The following DGKB variants were observed in gnomAD, a reference collection of about 807,000 sequenced individuals.
DGKB encodes the protein diacylglycerol kinase beta.
A neutral mutation model predicts 114.3 loss-of-function variants in DGKB; 67 were observed. The observed-to-expected ratio is 0.59, with a 90% CI of 0.48 to 0.72. DGKB has a LOEUF of 0.72. DGKB is among the 30% of genes least tolerant of loss of function. The pLI, the probability that DGKB is intolerant of heterozygous loss-of-function variation, is 0.00. For synonymous variants in DGKB, 398 were observed against 323.1 expected, an observed-to-expected ratio of 1.23 and a Z score of -2.49; for missense variants, 907 against 975.2, an observed-to-expected ratio of 0.93 and a Z score of 0.93.
intron 21 of DGKB, among the ~76,000 whole-genome samples, chr7:14,476,336 T>C (rs1782168158): frequency 6.6e-6 from 1 of 152,164 alleles, no homozygotes; most frequent in African/African-American, 2.4e-5. Context: ...TGTCAATTTA[T>C]TTTTACATGT....
At chr7:14,311,832 C>T (rs1805437168) in intron 23 of DGKB, among the ~76,000 whole-genome samples, 1 of 152,088 alleles carries the variant, frequency 6.6e-6, no homozygotes, top group South Asian at 2.1e-4. Context: ...TATAGTAAAT[C>T]ATTTGGGTTA....
At chr7:14,687,267 C>T (rs1219761173) in intron 9 of DGKB, among the ~76,000 whole-genome samples, 1 of 152,200 alleles carries the variant, frequency 6.6e-6, no homozygotes, top group Non-Finnish European at 1.5e-5. Context: ...AATACATTAA[C>T]TTCCAATAGG....
chr7:14,796,811 G>A (rs1841475652), intron 2 of DGKB, among the ~76,000 whole-genome samples: 1 of 151,964 alleles, frequency 6.6e-6, no homozygotes, highest in Non-Finnish European at 1.5e-5. Context: ...CAATGTTCCT[G>A]GTCATTCCTC....
chr7:14,763,121 A>G (rs889430199), intron 2 of DGKB, among the ~76,000 whole-genome samples: 1 of 152,056 alleles, frequency 6.6e-6, no homozygotes, highest in African/African-American at 2.4e-5. Flanking sequence ...AAGGCATCCC[A>G]TCATCCCATG....
intron 20 of DGKB, among the ~76,000 whole-genome samples, chr7:14,573,167 G>A (rs1012040110): frequency 1.3e-5 from 2 of 152,142 alleles, no homozygotes; most frequent in Non-Finnish European, 2.9e-5. Context: ...ACGTGAATAG[G>A]AGGGCTTCTC....
At chr7:14,778,087 A>G (rs915621834) in intron 2 of DGKB, among the ~76,000 whole-genome samples, 1 of 152,242 alleles carries the variant, frequency 6.6e-6, no homozygotes, top group Non-Finnish European at 1.5e-5. Flanking sequence ...TTTCTGACTT[A>G]CTTGCATTGT....
chr7:14,673,065 A>ATAACTTAGGATTGC, intron 12 of DGKB, 38 bp from the exon 13 acceptor site: 1 of 1,205,162 alleles, frequency 8.3e-7, no homozygotes, highest in Non-Finnish European at 1.2e-6. Context: ...CAAATTCTAC[A>ATAACTTAGGATTGC]TGACAACGCC....
chr7:14,814,841 G>A (rs1843890366), intron 2 of DGKB, among the ~76,000 whole-genome samples: 1 of 151,984 alleles, frequency 6.6e-6, no homozygotes, highest in African/African-American at 2.4e-5. Context: ...TAACCCTTTT[G>A]ATCAACAGAA....
intron 23 of DGKB, among the ~76,000 whole-genome samples, chr7:14,239,712 G>T (rs1320074075): frequency 6.6e-6 from 1 of 152,036 alleles, no homozygotes; most frequent in East Asian, 1.9e-4. Flanking sequence ...TGTGGGTCAG[G>T]AGAATCCTCA....
chr7:14,225,218 C>T (rs1269820626), intron 23 of DGKB, among the ~76,000 whole-genome samples: 1 of 152,036 alleles, frequency 6.6e-6, no homozygotes, highest in Non-Finnish European at 1.5e-5. Context: ...TGTTTCTTCC[C>T]TTCGCAAAAC....
chr7:14,301,468 G>A (rs1041802790), intron 23 of DGKB, among the ~76,000 whole-genome samples: 1 of 152,098 alleles, frequency 6.6e-6, no homozygotes, highest in Admixed American at 6.6e-5. Context: ...AGAGACAACA[G>A]CAATACTGAT....
intron 20 of DGKB, among the ~76,000 whole-genome samples, chr7:14,496,527 T>C (rs1320465165): frequency 1.3e-5 from 2 of 149,202 alleles, no homozygotes; most frequent in Non-Finnish European, 3.0e-5. Context: ...GCAAAGTCAT[T>C]TTCAGAATAT....
At chr7:14,164,440 TTTAAAG>T (rs1355317955) in intron 25 of DGKB, among the ~76,000 whole-genome samples, 1 of 152,232 alleles carries the variant, frequency 6.6e-6, no homozygotes, top group African/African-American at 2.4e-5. Flanking sequence ...TTTAATGATA[TTTAAAG>T]TTAAAGAATT....
rs62443497 is a variant in DGKB, at chr7:14,516,019, G to T, written c.1771-37794C>A. 7.7e-3 allele frequency among the ~76,000 whole-genome samples: 1,170 copies of T among 151,924 alleles called. 7 individuals carry two copies. Among genetic ancestry groups the T allele is most frequent in the Middle Eastern group, 0.024 (7 of 294 alleles). Reference sequence around the variant, plus strand: ...ACCACCACCACCACCTGGCTAATTTGTTTATTTTTGGGGGGATGGGGTTTT... The same window carrying T: ...ACCACCACCACCACCTGGCTAATTTTTTTATTTTTGGGGGGATGGGGTTTT... On this transcript the variant is annotated intron_variant, in intron 20 of 25. Coordinates refer to ENST00000402815, the MANE Select transcript of DGKB (RefSeq NM_001350709.2).
intron 14 of DGKB, among the ~76,000 whole-genome samples, chr7:14,625,559 A>G (rs1369388897): frequency 2.0e-5 from 3 of 152,206 alleles, no homozygotes; most frequent in Non-Finnish European, 4.4e-5. Flanking sequence ...TTGCACAATC[A>G]TTCAGGATAA....
At chr7:14,517,625 A>G (rs866940665) in intron 20 of DGKB, among the ~76,000 whole-genome samples, 6 of 152,234 alleles carry the variant, frequency 3.9e-5, no homozygotes, top group Admixed American at 1.3e-4. Flanking sequence ...GGAAAAAACA[A>G]AACACCTCAT....
chr7:14,368,072 G>A (rs978853950), intron 21 of DGKB, among the ~76,000 whole-genome samples: 6 of 151,576 alleles, frequency 4.0e-5, no homozygotes, highest in Non-Finnish European at 7.4e-5. Context: ...CATTTTATTT[G>A]GAGCAGTTCT....
intron 1 of DGKB, among the ~76,000 whole-genome samples, chr7:14,939,059 A>AT (rs34216130): frequency 2.0e-5 from 3 of 151,834 alleles, no homozygotes; most frequent in East Asian, 3.9e-4. Flanking sequence ...GCCTTTCTCT[A>AT]TTTTTTTTCT....
chr7:14,174,261 T>A (rs1044818712), intron 25 of DGKB, among the ~76,000 whole-genome samples: 19 of 152,190 alleles, frequency 1.2e-4, no homozygotes, highest in African/African-American at 4.3e-4. Context: ...ACTTTGCTAT[T>A]TATTAGCTGT....
Sources: gnomAD v4.1 joint callset for allele counts (sites outside exome capture counted in the v4.1 genomes callset) on GRCh38, gnomAD v4.1.1 for gene constraint, MANE v1.5 for transcripts, NCBI Gene and HGNC (gene_info 2026-07-23, HGNC 2026-07-21) for gene names.